GRIK2: variants seen among roughly 807,000 people sequenced by gnomAD.
GRIK2 encodes glutamate receptor ionotropic, kainate 2.
In GRIK2, 32 loss-of-function variants were observed where a neutral mutation model predicts 100.3. The observed-to-expected ratio is 0.32, with a 90% CI of 0.24 to 0.43. The LOEUF (loss-of-function observed/expected upper bound fraction) is 0.43, where lower values mean the gene tolerates loss of function less well. GRIK2 is among the 20% of genes least tolerant of loss of function. GRIK2 has a pLI of 1.00. For synonymous variants in GRIK2, 417 were observed against 389.4 expected (o/e 1.07, Z -0.83); for missense variants, 843 against 1,114.9 (o/e 0.76, Z 3.47).
intron 7 of GRIK2, among the ~76,000 whole-genome samples, chr6:101,687,488 T>C: frequency 6.6e-6 from 1 of 151,964 alleles, no homozygotes; most frequent in East Asian, 1.9e-4. Context: ...ATTATGCTTG[T>C]AATTTTTCCA....
intron 2 of GRIK2, among the ~76,000 whole-genome samples, chr6:101,567,491 G>T (rs1734425194): frequency 6.6e-6 from 1 of 151,646 alleles, no homozygotes; most frequent in East Asian, 1.9e-4. Flanking sequence ...TATTGCTTAG[G>T]TGTTACCTGT....
intron 9 of GRIK2, among the ~76,000 whole-genome samples, chr6:101,803,587 CTG>C (rs976531284): frequency 5.3e-4 from 81 of 151,988 alleles, no homozygotes; most frequent in African/African-American, 1.9e-3. Flanking sequence ...GTGTCCAAGA[CTG>C]GAGTTGATAA....
chr6:101,879,802 C>T (rs566712328), intron 11 of GRIK2, among the ~76,000 whole-genome samples: 153 of 151,638 alleles, frequency 1.0e-3, no homozygotes, highest in African/African-American at 3.6e-3. Flanking sequence ...ACTCCTATTT[C>T]GGGGTAGGTA....
At chr6:101,991,225 C>T (rs1460970543) in intron 14 of GRIK2, among the ~76,000 whole-genome samples, 1 of 151,690 alleles carries the variant, frequency 6.6e-6, no homozygotes. Flanking sequence ...ATGCCAGACA[C>T]TATGATAAAT....
chr6:101,578,214 C>A (rs1014271489), intron 2 of GRIK2, among the ~76,000 whole-genome samples: 13 of 152,042 alleles, frequency 8.6e-5, no homozygotes, highest in African/African-American at 2.9e-4. Flanking sequence ...CTTTTCCTGG[C>A]TAATATAAAA....
chr6:101,775,862 C>T (rs1305100681), intron 7 of GRIK2, among the ~76,000 whole-genome samples: 1 of 151,664 alleles, frequency 6.6e-6, no homozygotes, highest in Non-Finnish European at 1.5e-5. Flanking sequence ...CTTACTTTGC[C>T]ACCCAGGCTG....
chr6:101,913,101 A>G (rs2128466391), intron 12 of GRIK2, among the ~76,000 whole-genome samples: 1 of 151,780 alleles, frequency 6.6e-6, no homozygotes, highest in Non-Finnish European at 1.5e-5. Flanking sequence ...CACAAAAAAG[A>G]CAGGTAGACT....
intron 7 of GRIK2, among the ~76,000 whole-genome samples, chr6:101,761,748 A>G (rs541901600): frequency 1.3e-5 from 2 of 150,530 alleles, no homozygotes; most frequent in Non-Finnish European, 2.9e-5. Flanking sequence ...ACCTAATCAG[A>G]TTTTACAATA....
intron 14 of GRIK2, among the ~76,000 whole-genome samples, chr6:101,988,090 A>AGTGTGTGTGT (rs57491735): frequency 2.0e-4 from 28 of 141,500 alleles, no homozygotes; most frequent in Admixed American, 3.6e-4. Context: ...CCAGTATTAT[A>AGTGTGTGTGT]GTGTGTGTGT....
chr6:101,474,114 GA>G (rs2128257607), intron 2 of GRIK2, among the ~76,000 whole-genome samples: 1 of 151,940 alleles, frequency 6.6e-6, no homozygotes, highest in South Asian at 2.1e-4. Flanking sequence ...TGAAGAGACA[GA>G]AAAGCAGTAG....
chr6:101,632,169 C>G (rs757050254), intron 4 of GRIK2, among the ~76,000 whole-genome samples: 2 of 152,114 alleles, frequency 1.3e-5, no homozygotes, highest in Non-Finnish European at 2.9e-5. Flanking sequence ...AAAGGCTGCC[C>G]TGACCCCTGC....
intron 7 of GRIK2, among the ~76,000 whole-genome samples, chr6:101,742,961 G>A (rs1776142768): frequency 6.6e-6 from 1 of 152,190 alleles, no homozygotes; most frequent in South Asian, 2.1e-4. Context: ...TTGACAGGGG[G>A]AGATTAGAAT....
intron 7 of GRIK2, among the ~76,000 whole-genome samples, chr6:101,707,606 G>GTATATATA (rs201561174): frequency 8.1e-6 from 1 of 122,944 alleles, no homozygotes; most frequent in African/African-American, 3.6e-5. Flanking sequence ...ATATATGTGT[G>GTATATATA]TATATATATA....
intron 10 of GRIK2, among the ~76,000 whole-genome samples, chr6:101,836,866 A>ACC (rs1305812136): frequency 1.3e-4 from 20 of 151,556 alleles, no homozygotes; most frequent in Non-Finnish European, 2.4e-4. Context: ...GGGTTTCACC[A>ACC]TATTGGCCAG....
At chr6:101,441,187 C>T (rs185106744) in intron 2 of GRIK2, among the ~76,000 whole-genome samples, 2 of 152,126 alleles carry the variant, frequency 1.3e-5, no homozygotes, top group East Asian at 3.9e-4. Context: ...CAGCTCTTTC[C>T]AAAAGCCAGT....
chr6:101,838,064 C>T (rs1395762115), intron 10 of GRIK2, among the ~76,000 whole-genome samples: 1 of 152,124 alleles, frequency 6.6e-6, no homozygotes, highest in Non-Finnish European at 1.5e-5. Context: ...AAAAGAACAT[C>T]CTTATCTCTG....
At chr6:101,864,739 G>A (rs1290817095) in intron 11 of GRIK2, among the ~76,000 whole-genome samples, 1 of 152,100 alleles carries the variant, frequency 6.6e-6, no homozygotes, top group Non-Finnish European at 1.5e-5. Flanking sequence ...AACCCCATGA[G>A]CTAGTTTACA....
intron 2 of GRIK2, among the ~76,000 whole-genome samples, chr6:101,451,964 A>G (rs1770720872): frequency 6.6e-6 from 1 of 151,808 alleles, no homozygotes; most frequent in Non-Finnish European, 1.5e-5. Context: ...AATAGCCAAT[A>G]CTTTCTCCCA....
At chr6:101,927,047 C>A (rs1789948086) in intron 13 of GRIK2, among the ~76,000 whole-genome samples, 1 of 152,004 alleles carries the variant, frequency 6.6e-6, no homozygotes, top group Non-Finnish European at 1.5e-5. Context: ...GGCCTAGGAG[C>A]AACTACATCA....
Sources: gnomAD v4.1 joint callset for allele counts (sites outside exome capture counted in the v4.1 genomes callset) on GRCh38, gnomAD v4.1.1 for gene constraint, MANE v1.5 for transcripts, NCBI Gene and HGNC (gene_info 2026-07-23, HGNC 2026-07-21) for gene names.